The following KSR2 variants were observed in gnomAD, a reference collection of about 807,000 sequenced individuals.
KSR2 encodes the protein kinase suppressor of ras 2.
A neutral mutation model predicts 107.8 loss-of-function variants in KSR2; 25 were observed. The observed-to-expected ratio is 0.23, with a 90% confidence interval of 0.17 to 0.32. The LOEUF (loss-of-function observed/expected upper bound fraction) is 0.32. Among genes scored for constraint, KSR2 ranks in the 10% least tolerant of loss-of-function variants. The pLI is 1.00. For synonymous variants in KSR2, 480 were observed against 507.0 expected (o/e 0.95, Z 0.71); for missense variants, 887 against 1,268.9 (o/e 0.70, Z 4.57).
At chr12:117,747,474 C>G (rs752965153) in intron 4 of KSR2, among the ~76,000 whole-genome samples, 45 of 151,940 alleles carry the variant, frequency 3.0e-4, no homozygotes, top group Admixed American at 6.6e-5. Context: ...AGGACAAATA[C>G]GTAATGCATG....
intron 10 of KSR2, among the ~76,000 whole-genome samples, chr12:117,536,215 C>T (rs1248497605): frequency 6.6e-6 from 1 of 152,114 alleles, no homozygotes; most frequent in East Asian, 1.9e-4. Flanking sequence ...GCTTAAATAG[C>T]CTTCAGAAAA....
At chr12:117,682,308 T>C (rs1885396649) in intron 4 of KSR2, among the ~76,000 whole-genome samples, 1 of 152,038 alleles carries the variant, frequency 6.6e-6, no homozygotes. Context: ...AAATAGCTAA[T>C]GCATGCTGGG....
At chr12:117,477,825 C>G (rs1003213365) in intron 16 of KSR2, among the ~76,000 whole-genome samples, 1 of 152,212 alleles carries the variant, frequency 6.6e-6, no homozygotes, top group South Asian at 2.1e-4. Context: ...TTCCCTCTTC[C>G]GCCATTATGA....
Position 117,682,478 on chromosome 12 carries a change from C to T in KSR2, c.987-14820G>A, listed in dbSNP as rs922513994. On this transcript the variant is annotated intron_variant, in intron 4 of 19. Transcript: ENST00000339824. ...TGTTGCCCAGGCTGGAATGCAACGGCGCAATCTCGGCTCACCGCAACCTCT... is the reference window on the plus strand; with the variant it reads ...TGTTGCCCAGGCTGGAATGCAACGGTGCAATCTCGGCTCACCGCAACCTCT... Among the ~76,000 whole-genome samples, 15 of 151,906 alleles carry T rather than the reference C, an allele frequency of 9.9e-5. No individual in the cohort carries two copies. In the East Asian group the frequency reaches 1.9e-3, roughly 20 times the overall value.
At chr12:117,915,854 C>T (rs778592145) in intron 1 of KSR2, among the ~76,000 whole-genome samples, 1 of 152,108 alleles carries the variant, frequency 6.6e-6, no homozygotes, top group Non-Finnish European at 1.5e-5. Context: ...GTCCCAGCTA[C>T]ATCCAGCACA....
intron 5 of KSR2, among the ~76,000 whole-genome samples, chr12:117,604,812 G>A (rs190352801): frequency 2.0e-4 from 30 of 152,308 alleles, no homozygotes; most frequent in South Asian, 2.1e-4. Flanking sequence ...ACTGCAGCAA[G>A]TTGGAAACTA....
At chr12:117,485,535 TC>T in intron 15 of KSR2, 59 bp downstream of exon 15, 1 of 1,330,708 alleles carries the variant, frequency 7.5e-7, no homozygotes, top group East Asian at 2.3e-5. Flanking sequence ...TAGGGGGGCT[TC>T]CCTGGGGGAA....
At chr12:117,694,998 A>ACGTG (rs1565965312) in intron 4 of KSR2, among the ~76,000 whole-genome samples, 1 of 151,768 alleles carries the variant, frequency 6.6e-6, no homozygotes, top group Admixed American at 6.6e-5. Context: ...CGACAGGTGC[A>ACGTG]CGCCACCACA....
chr12:117,685,540 T>C (rs16947883), intron 4 of KSR2, among the ~76,000 whole-genome samples: 10,224 of 152,242 alleles, frequency 0.067, 701 homozygotes, highest in African/African-American at 0.17. Context: ...GCCCAGTAAG[T>C]GATGGGCCCC....
At chr12:117,477,819 C>CATAAT (rs1871886711) in intron 16 of KSR2, among the ~76,000 whole-genome samples, 1 of 152,222 alleles carries the variant, frequency 6.6e-6, no homozygotes, top group Non-Finnish European at 1.5e-5. Context: ...GGGTGGTTCC[C>CATAAT]TCTTCCGCCA....
intron 1 of KSR2, among the ~76,000 whole-genome samples, chr12:117,916,193 T>C (rs1413903137): frequency 3.4e-5 from 5 of 145,468 alleles, no homozygotes; most frequent in Admixed American, 2.1e-4. Flanking sequence ...CTGGAGTACA[T>C]TGGCGCGATC....
At chr12:117,886,601 CTGA>C (rs1174896406) in intron 1 of KSR2, among the ~76,000 whole-genome samples, 1 of 152,132 alleles carries the variant, frequency 6.6e-6, no homozygotes, top group East Asian at 1.9e-4. Flanking sequence ...AGTACACTCC[CTGA>C]TGTTTACACA....
intron 1 of KSR2, among the ~76,000 whole-genome samples, chr12:117,957,341 C>T (rs1431405306): frequency 6.6e-6 from 1 of 152,196 alleles, no homozygotes; most frequent in African/African-American, 2.4e-5. Flanking sequence ...GAAGGACATT[C>T]CAAGCATCAC....
intron 14 of KSR2, among the ~76,000 whole-genome samples, chr12:117,492,233 G>GT (rs1207409848): frequency 6.6e-6 from 1 of 152,208 alleles, no homozygotes; most frequent in Non-Finnish European, 1.5e-5. Context: ...GGTACAAGAT[G>GT]TTTATTATAA....
intron 4 of KSR2, among the ~76,000 whole-genome samples, chr12:117,684,074 A>G (rs938575717): frequency 2.6e-5 from 4 of 152,192 alleles, no homozygotes; most frequent in African/African-American, 9.7e-5. Flanking sequence ...AGTGAAAACA[A>G]AACACTAAGA....
chr12:117,921,232 T>A (rs775711236), intron 1 of KSR2, among the ~76,000 whole-genome samples: 1 of 152,232 alleles, frequency 6.6e-6, no homozygotes, highest in Non-Finnish European at 1.5e-5. Flanking sequence ...GAACTTTACA[T>A]GTGCCTCCAT....
chr12:117,577,762 C>T (rs938681934), intron 7 of KSR2, among the ~76,000 whole-genome samples: 1 of 152,164 alleles, frequency 6.6e-6, no homozygotes, highest in Non-Finnish European at 1.5e-5. Context: ...GAAACCACCC[C>T]CACGATTCAA....
intron 1 of KSR2, among the ~76,000 whole-genome samples, chr12:117,906,898 A>T (rs2137414470): frequency 6.6e-6 from 1 of 152,088 alleles, no homozygotes; most frequent in East Asian, 1.9e-4. Flanking sequence ...GTGGTGGCAC[A>T]CGCCTGTAGT....
intron 3 of KSR2, among the ~76,000 whole-genome samples, chr12:117,833,744 GTCCT>G (rs1892075187): frequency 6.6e-6 from 1 of 152,038 alleles, no homozygotes; most frequent in South Asian, 2.1e-4. Context: ...CGGACACTAA[GTCCT>G]TCCTTCATGA....
Sources: gnomAD v4.1 joint callset for allele counts (sites outside exome capture counted in the v4.1 genomes callset) on GRCh38, gnomAD v4.1.1 for gene constraint, MANE v1.5 for transcripts, NCBI Gene and HGNC (gene_info 2026-07-23, HGNC 2026-07-21) for gene names.